The following TEX2 variants were observed in gnomAD, a reference collection of about 807,000 sequenced individuals.
The protein encoded by TEX2 is testis-expressed protein 2.
Under a neutral mutation model 106.9 loss-of-function variants are expected in TEX2, and 53 were observed. The observed-to-expected ratio is 0.50, with a 90% CI of 0.40 to 0.62. The LOEUF (loss-of-function observed/expected upper bound fraction) is 0.62, where lower values mean the gene tolerates loss of function less well. Among genes scored for constraint, TEX2 ranks in the 20% least tolerant of loss-of-function variants. TEX2 has a pLI of 0.00. For missense variants in TEX2, 1,207 were observed against 1,379.0 expected, an observed-to-expected ratio of 0.88 and a Z score of 1.98; for synonymous variants, 523 against 534.8, an observed-to-expected ratio of 0.98 and a Z score of 0.30.
chr17:64,262,974 C>T (rs1452033965), intron 1 of TEX2, among the ~76,000 whole-genome samples, 194 bp downstream of exon 1: 1 of 152,000 alleles, frequency 6.6e-6, no homozygotes, highest in African/African-American at 2.4e-5. Flanking sequence ...AGGGATTGCC[C>T]GGGGGTGTCG....
chr17:64,208,729 A>G (rs1263210855), intron 2 of TEX2, among the ~76,000 whole-genome samples: 2 of 151,888 alleles, frequency 1.3e-5, no homozygotes, highest in African/African-American at 4.8e-5. Context: ...GACTCAAGTG[A>G]TCCTCCCACC....
chr17:64,222,087 T>C (rs1329479911), intron 1 of TEX2, among the ~76,000 whole-genome samples: 5 of 152,204 alleles, frequency 3.3e-5, no homozygotes, highest in Non-Finnish European at 7.3e-5. Context: ...TTCTGGAGAT[T>C]GGTTGTATAA....
chr17:64,179,338 A>G (rs1456599487), intron 5 of TEX2, among the ~76,000 whole-genome samples: 1 of 152,188 alleles, frequency 6.6e-6, no homozygotes, highest in Admixed American at 6.5e-5. Flanking sequence ...CGCAGAGAGG[A>G]TTGAAAAAAG....
intron 3 of TEX2, 93 bp downstream of exon 3, chr17:64,194,802 C>G: frequency 7.9e-7 from 1 of 1,271,170 alleles, no homozygotes; most frequent in Non-Finnish European, 1.1e-6. Context: ...GACCACAAAC[C>G]TTTTTAGGGT....
intron 6 of TEX2, among the ~76,000 whole-genome samples, 172 bp from the exon 7 acceptor site, chr17:64,171,371 G>C (rs2031390188): frequency 6.6e-6 from 1 of 152,196 alleles, no homozygotes; most frequent in South Asian, 2.1e-4. Flanking sequence ...ACTCCAGACA[G>C]AGCCATGAAG....
chr17:64,228,433 C>T (rs188073905), intron 1 of TEX2, among the ~76,000 whole-genome samples: 2 of 152,334 alleles, frequency 1.3e-5, no homozygotes, highest in Admixed American at 6.5e-5. Context: ...TTTCCTGCAA[C>T]TAGACAGTCC....
At chr17:64,170,761 T>G (rs2031352366) in intron 7 of TEX2, among the ~76,000 whole-genome samples, 1 of 149,668 alleles carries the variant, frequency 6.7e-6, no homozygotes, top group African/African-American at 2.5e-5. Flanking sequence ...GCCTCCTGAG[T>G]AGCTGGGATT....
Position 64,150,972 on chromosome 17 carries a change from A to T in TEX2, c.3141-11T>A, listed in dbSNP as rs777992456. 3.1e-6 allele frequency: 5 copies of T among 1,612,770 alleles called. No homozygotes were observed. Among genetic ancestry groups the T allele is most frequent in the Non-Finnish European group, 4.2e-6 (5 of 1,179,356 alleles). On this transcript the variant is annotated splice_polypyrimidine_tract_variant and intron_variant, in intron 10 of 11. Coordinates refer to ENST00000584379, the MANE Select transcript of TEX2 (RefSeq NM_001288732.2). ...TTTCGGAAACCATACCTTTTTGAAG[A>T]CAAGTAATAACCACATTTAGAAGCA...
rs573664977 is a variant in TEX2, at chr17:64,185,740, T to C, written c.2424+2428A>G. 4.6e-5 allele frequency among the ~76,000 whole-genome samples: 7 copies of C among 152,226 alleles called. No homozygotes were observed. Among genetic ancestry groups the C allele is most frequent in the East Asian group, 1.9e-4 (1 of 5,168 alleles). On this transcript the variant is annotated intron_variant, in intron 5 of 11. Transcript: ENST00000584379. The surrounding 1 kb of genome is among the most constrained non-coding windows in gnomAD (Gnocchi z 4.0). ...GAGTTCAAGACCAGCCTGGCCAACA[T>C]TGTGAAACTCCGTCTCTACTAAAAA...
chr17:64,189,535 G>C (rs1279801000), intron 4 of TEX2, among the ~76,000 whole-genome samples: 1 of 152,132 alleles, frequency 6.6e-6, no homozygotes, highest in Non-Finnish European at 1.5e-5. Context: ...AGGATGGAGA[G>C]ATTAGCCAGG....
At chr17:64,248,630 G>C (rs2034034457) in intron 1 of TEX2, among the ~76,000 whole-genome samples, 1 of 152,158 alleles carries the variant, frequency 6.6e-6, no homozygotes, top group Non-Finnish European at 1.5e-5. Flanking sequence ...ATTAGACGAG[G>C]GTTCCCATGC....
At chr17:64,258,949 G>T (rs2034239221) in intron 1 of TEX2, among the ~76,000 whole-genome samples, 2 of 152,100 alleles carry the variant, frequency 1.3e-5, no homozygotes, top group Admixed American at 6.5e-5. Context: ...ATAGAGCCAG[G>T]TTTTCACCAT....
At chr17:64,202,862 C>A (rs1598174335) in intron 2 of TEX2, among the ~76,000 whole-genome samples, 1 of 152,146 alleles carries the variant, frequency 6.6e-6, no homozygotes, top group South Asian at 2.1e-4. Flanking sequence ...ACACAGTGCA[C>A]CCCGCTGGGG....
chr17:64,219,508 C>CAAATAAAATAAAATA lies in TEX2; in HGVS notation c.-25-5281_-25-5267dup, dbSNP rs3071506. On this transcript the variant is annotated intron_variant, in intron 1 of 11. Coordinates refer to ENST00000584379, the MANE Select transcript of TEX2 (RefSeq NM_001288732.2). ...GCAACAGAGTGAGACTCCATCTCAT[C>CAAATAAAATAAAATA]AAATAAAATAAAATAAAATAAAATA... 4.6e-3 allele frequency among the ~76,000 whole-genome samples: 623 copies of CAAATAAAATAAAATA among 134,910 alleles called. 1 individual carries two copies. Among genetic ancestry groups the CAAATAAAATAAAATA allele is most frequent in the East Asian group, 0.011 (52 of 4,556 alleles). 88.5% of individuals were successfully genotyped at this position (134,910 alleles called of 152,430 possible).
At chr17:64,168,975 C>T (rs1474920568) in intron 7 of TEX2, among the ~76,000 whole-genome samples, 2 of 141,018 alleles carry the variant, frequency 1.4e-5, no homozygotes, top group Non-Finnish European at 3.0e-5. Context: ...GCTGGGATTA[C>T]AGGCCAGGGT....
chr17:64,214,981 A>T (rs1279939512), intron 1 of TEX2, among the ~76,000 whole-genome samples: 1 of 152,230 alleles, frequency 6.6e-6, no homozygotes, highest in Non-Finnish European at 1.5e-5. Flanking sequence ...GTGTCAGGAA[A>T]ATGAAGTATC....
At position 64,240,245 on chromosome 17, in the gene TEX2, G is replaced by A. The variant is rs1203500748; in HGVS notation, c.-26+22923C>T. Among the ~76,000 whole-genome samples the A allele has an allele frequency of 3.3e-5, 5 of 150,238 alleles. No homozygotes were observed. In the East Asian group the frequency reaches 5.8e-4, roughly 17 times the overall value. Reference sequence around the variant, plus strand: ...TGTGTATATGCAGATGTGTGTGTGTGTGTGTGTGTGTGTGTGTGTAAAGCT... The same window carrying A: ...TGTGTATATGCAGATGTGTGTGTGTATGTGTGTGTGTGTGTGTGTAAAGCT... On this transcript the variant is annotated intron_variant, in intron 1 of 11. Coordinates refer to ENST00000584379, the MANE Select transcript of TEX2 (RefSeq NM_001288732.2).
chr17:64,174,202 A>C (rs1474628622), intron 6 of TEX2, among the ~76,000 whole-genome samples: 1 of 152,206 alleles, frequency 6.6e-6, no homozygotes, highest in East Asian at 1.9e-4. Context: ...GAGTGAATAA[A>C]GAGACAGCAG....
At position 64,246,368 on chromosome 17, in the gene TEX2, C is replaced by G. The variant is rs148768013; in HGVS notation, c.-26+16800G>C. On this transcript the variant is annotated intron_variant, in intron 1 of 11. Coordinates refer to ENST00000584379, the MANE Select transcript of TEX2 (RefSeq NM_001288732.2). Reference sequence around the variant, plus strand: ...TCCAGCAATTCTCCTGCCTCAGCCTCCTGAGTAGCTGTTATTACAGGTGTG... The same window carrying G: ...TCCAGCAATTCTCCTGCCTCAGCCTGCTGAGTAGCTGTTATTACAGGTGTG... Among the ~76,000 whole-genome samples, 694 of 152,252 alleles carry G rather than the reference C, an allele frequency of 4.6e-3. 6 individuals carry two copies. The highest frequency in any genetic ancestry group is 4.6e-3 in the Non-Finnish European group (316 of 68,020).
Sources: allele counts gnomAD v4.1 joint callset (sites outside exome capture counted in the v4.1 genomes callset), GRCh38; gene constraint gnomAD v4.1.1; non-coding constraint Gnocchi (gnomAD v3.1); transcripts MANE v1.5; gene names NCBI Gene and HGNC (gene_info 2026-07-23, HGNC 2026-07-21).